TLL2: variants seen among roughly 807,000 people sequenced by gnomAD.
TLL2 encodes tolloid like 2.
Under a neutral mutation model 123.0 loss-of-function variants are expected in TLL2, and 106 were observed. The ratio of observed to expected loss-of-function variants is 0.86; its 90% CI spans 0.74 to 1.01. The LOEUF is 1.01. Among genes scored for constraint, TLL2 ranks in the 50% least tolerant of loss-of-function variants. The pLI, the probability that TLL2 is intolerant of heterozygous loss-of-function variation, is 0.00. For missense variants in TLL2, 1,332 were observed against 1,336.7 expected (o/e 1.00, Z 0.06); for synonymous variants, 494 against 516.8 (o/e 0.96, Z 0.60).
chr10:96,463,786 CA>C (rs1452749694), intron 2 of TLL2, among the ~76,000 whole-genome samples: 1 of 152,254 alleles, frequency 6.6e-6, no homozygotes, highest in Non-Finnish European at 1.5e-5. Context: ...GTGAACCTGT[CA>C]CCTGGCCTCA....
chr10:96,443,139 G>A (rs1049529356), intron 3 of TLL2, among the ~76,000 whole-genome samples: 5 of 152,192 alleles, frequency 3.3e-5, no homozygotes, highest in African/African-American at 7.2e-5. Context: ...GGCAAGGGGG[G>A]AAGGTGGTAG....
chr10:96,512,847 G>A (rs1847644823), intron 1 of TLL2, among the ~76,000 whole-genome samples: 1 of 152,234 alleles, frequency 6.6e-6, no homozygotes, highest in African/African-American at 2.4e-5. Flanking sequence ...CGGCGATTGC[G>A]CCCGAAAGGC....
At chr10:96,501,948 G>C (rs1438002847) in intron 1 of TLL2, among the ~76,000 whole-genome samples, 2 of 152,212 alleles carry the variant, frequency 1.3e-5, no homozygotes, top group African/African-American at 4.8e-5. Flanking sequence ...CCAATGCAGA[G>C]ACAGTCATTG....
chr10:96,400,638 GACA>G (rs1258324117), intron 10 of TLL2, among the ~76,000 whole-genome samples: 1 of 152,224 alleles, frequency 6.6e-6, no homozygotes, highest in Non-Finnish European at 1.5e-5. Context: ...CGGGCCACAC[GACA>G]CTGATCGGCC....
At position 96,396,580 on chromosome 10, in the gene TLL2, T is replaced by C. The variant is rs920734271; in HGVS notation, c.1385-560A>G. On this transcript the variant is annotated intron_variant, in intron 11 of 20. Coordinates refer to ENST00000357947, the MANE Select transcript of TLL2 (RefSeq NM_012465.4). ...GTAATTTTCTGGTAGTTTTCCCCTT[T>C]CTTTTTTTTTTTTTTTTTTTGGTAG... 2.7e-5 allele frequency among the ~76,000 whole-genome samples: 4 copies of C among 145,920 alleles called. No individual in the cohort carries two copies. The East Asian group carries it at 5.8e-4, about 21-fold the overall frequency.
chr10:96,421,119 G>T lies in TLL2; in HGVS notation c.818-58C>A. The stretch of plus-strand genomic sequence containing the variant: ...AACCAAGTCAGGCACCTGAAAGGAG[G>T]CAGAGGAAGGAGAAGGAGGGCCCAT... On this transcript the variant is annotated intron_variant, in intron 6 of 20. Transcript: ENST00000357947. The T allele has an allele frequency of 4.4e-6, 6 of 1,371,090 alleles. No individual in the cohort carries two copies. In the South Asian group the frequency reaches 7.0e-5, roughly 16 times the overall value. 84.9% of individuals were successfully genotyped at this position (1,371,090 alleles called of 1,614,324 possible).
In TLL2 at chr10:96,446,192, G is replaced by A. The variant is rs762388135; in HGVS notation, c.287-24C>T. 2.5e-6 allele frequency: 4 copies of A among 1,612,222 alleles called. No homozygotes were observed. The African/African-American group carries it at 5.3e-5, about 22-fold the overall frequency. ...ACCTAGAGGAATGGAGAAGAAAGAGGCATGAGGACACATCAGCCTTCTCTG... is the reference window on the plus strand; with the variant it reads ...ACCTAGAGGAATGGAGAAGAAAGAGACATGAGGACACATCAGCCTTCTCTG... On this transcript the variant is annotated intron_variant, in intron 2 of 20. Transcript: ENST00000357947.
chr10:96,386,926 T>A (rs760851583), intron 14 of TLL2, 27 bp downstream of exon 14: 2 of 1,613,398 alleles, frequency 1.2e-6, no homozygotes, highest in South Asian at 2.2e-5. Flanking sequence ...TACCCTCTCA[T>A]TCTAGCTTGG....
chr10:96,402,936 C>G (rs115514224), intron 10 of TLL2, among the ~76,000 whole-genome samples: 1 of 152,262 alleles, frequency 6.6e-6, no homozygotes, highest in South Asian at 2.1e-4. Flanking sequence ...CCATCTTGGC[C>G]AACCACCCGA....
chr10:96,410,838 G>A (rs1384107929), intron 8 of TLL2, among the ~76,000 whole-genome samples: 1 of 152,158 alleles, frequency 6.6e-6, no homozygotes, highest in African/African-American at 2.4e-5. Flanking sequence ...TAGTGAAATC[G>A]TGTGCATTAC....
intron 3 of TLL2, among the ~76,000 whole-genome samples, chr10:96,433,666 G>T (rs1186137555): frequency 3.3e-5 from 5 of 152,154 alleles, no homozygotes; most frequent in Non-Finnish European, 7.4e-5. Context: ...TTTGTTTTCA[G>T]TTGGCTTGCT....
chr10:96,468,523 G>A (rs528674106), intron 2 of TLL2, among the ~76,000 whole-genome samples: 3 of 152,344 alleles, frequency 2.0e-5, no homozygotes, highest in African/African-American at 4.8e-5. Context: ...ATAGGGCCAC[G>A]AGAATATACT....
At chr10:96,390,127 C>T (rs531383622) in intron 13 of TLL2, among the ~76,000 whole-genome samples, 13 of 152,340 alleles carry the variant, frequency 8.5e-5, no homozygotes, top group Admixed American at 7.8e-4. Context: ...ATAGCAGGAG[C>T]TCTGGAGTCT....
chr10:96,399,634 T>C (rs1335738200), intron 10 of TLL2, among the ~76,000 whole-genome samples: 1 of 152,214 alleles, frequency 6.6e-6, no homozygotes, highest in African/African-American at 2.4e-5. Context: ...GCACGGCCAA[T>C]TAGTGTCAAG....
chr10:96,431,758 T>G (rs909164369), intron 4 of TLL2, among the ~76,000 whole-genome samples: 1 of 152,062 alleles, frequency 6.6e-6, no homozygotes, highest in African/African-American at 2.4e-5. Context: ...GTGCTGCCAA[T>G]GTTATAAAGC....
intron 2 of TLL2, among the ~76,000 whole-genome samples, chr10:96,476,784 A>G (rs556803508): frequency 2.4e-4 from 36 of 152,126 alleles, no homozygotes; most frequent in African/African-American, 8.2e-4. Flanking sequence ...CAAGATGTCC[A>G]TGATAAAGTG....
chr10:96,394,356 A>G (rs554895552), intron 13 of TLL2, among the ~76,000 whole-genome samples: 9 of 152,290 alleles, frequency 5.9e-5, no homozygotes, highest in Admixed American at 5.2e-4. Context: ...CTTCCCTCTT[A>G]GGGTGTGGTC....
intron 1 of TLL2, among the ~76,000 whole-genome samples, chr10:96,493,409 G>A (rs1847435754): frequency 1.3e-5 from 2 of 152,204 alleles, no homozygotes; most frequent in South Asian, 4.1e-4. Flanking sequence ...GAAAGGGCAT[G>A]CTGGCTAAAG....
chr10:96,491,250 C>T (rs1288084101), intron 1 of TLL2, among the ~76,000 whole-genome samples: 2 of 151,824 alleles, frequency 1.3e-5, no homozygotes, highest in African/African-American at 4.8e-5. Flanking sequence ...GGCGTGGTGG[C>T]GGGCATCTGT....
Sources: allele counts gnomAD v4.1 joint callset (sites outside exome capture counted in the v4.1 genomes callset), GRCh38; gene constraint gnomAD v4.1.1; transcripts MANE v1.5; gene names NCBI Gene and HGNC (gene_info 2026-07-23, HGNC 2026-07-21).